VAT1L: variants seen among roughly 807,000 people sequenced by gnomAD.
VAT1L encodes vesicle amine transport 1 like, also known as putative NADPH-dependent quinone oxidoreductase VAT1L.
A neutral mutation model predicts 44.1 loss-of-function variants in VAT1L; 34 were observed. The observed-to-expected ratio is 0.77, with a 90% CI of 0.59 to 1.03. VAT1L has a LOEUF of 1.03. VAT1L is among the 50% of genes least tolerant of loss of function. The probability of loss-of-function intolerance (pLI) is 0.00; values close to 1 mark genes in which losing one functional copy is unlikely to be tolerated. For missense variants in VAT1L, 615 were observed against 538.8 expected, an observed-to-expected ratio of 1.14 and a Z score of -1.40; for synonymous variants, 253 against 202.2, an observed-to-expected ratio of 1.25 and a Z score of -2.13.
rs1490629885 is a variant in VAT1L at position 77,976,570 on chromosome 16, C to G, written c.1162-1027C>G. The stretch of plus-strand genomic sequence containing the variant: ...AGCCAAGGACTCAAGTGTGGGAGAT[C>G]TGGGGCCCAATCTAGATCAGGGGAT... On this transcript the variant is annotated intron_variant, in intron 8 of 8. Transcript: ENST00000302536. Among the ~76,000 whole-genome samples the G allele has an allele frequency of 6.6e-5, 10 of 152,228 alleles. 1 individual carries two copies. In the East Asian group the frequency reaches 1.7e-3, roughly 26 times the overall value.
intron 3 of VAT1L, among the ~76,000 whole-genome samples, chr16:77,829,157 C>T: frequency 6.6e-6 from 1 of 152,146 alleles, no homozygotes; most frequent in East Asian, 1.9e-4. Context: ...GAGAGCCAGC[C>T]CAGATTCTTC....
intron 2 of VAT1L, among the ~76,000 whole-genome samples, chr16:77,821,247 A>G (rs1455357694): frequency 1.3e-5 from 2 of 152,082 alleles, no homozygotes; most frequent in Admixed American, 6.6e-5. Flanking sequence ...TGGGATCTGC[A>G]TAATTATGAA....
chr16:77,913,969 A>G (rs1229366573), intron 7 of VAT1L, among the ~76,000 whole-genome samples: 1 of 152,182 alleles, frequency 6.6e-6, no homozygotes, highest in African/African-American at 2.4e-5. Context: ...AAAATGCCTG[A>G]AGGCTGCCTT....
At chr16:77,866,414 G>A (rs889532620) in intron 4 of VAT1L, among the ~76,000 whole-genome samples, 1 of 151,836 alleles carries the variant, frequency 6.6e-6, no homozygotes, top group Non-Finnish European at 1.5e-5. Context: ...GTAGCACATT[G>A]CGTGAAAAAA....
intron 7 of VAT1L, among the ~76,000 whole-genome samples, chr16:77,952,815 C>T (rs2018059324): frequency 1.5e-5 from 2 of 134,712 alleles, no homozygotes; most frequent in Admixed American, 1.7e-4. Context: ...CAAGATGGTA[C>T]CACTGCATTC....
chr16:77,847,868 T>C (rs910215117), intron 3 of VAT1L, among the ~76,000 whole-genome samples: 2 of 152,188 alleles, frequency 1.3e-5, no homozygotes, highest in African/African-American at 4.8e-5. Context: ...AATTGTGTTA[T>C]ACAAAAGTAG....
At chr16:77,954,840 T>C (rs2018084623) in intron 7 of VAT1L, among the ~76,000 whole-genome samples, 1 of 152,120 alleles carries the variant, frequency 6.6e-6, no homozygotes, top group Admixed American at 6.5e-5. Flanking sequence ...ACCTGTCCAG[T>C]CTCAATAAAA....
At chr16:77,975,101 A>T (rs1347609215) in intron 8 of VAT1L, among the ~76,000 whole-genome samples, 1 of 150,294 alleles carries the variant, frequency 6.7e-6, no homozygotes, top group Non-Finnish European at 1.5e-5. Context: ...CTCAAGCTCC[A>T]GGCTCCACAG....
chr16:77,887,214 G>A (rs953648174), intron 7 of VAT1L, among the ~76,000 whole-genome samples: 2 of 152,220 alleles, frequency 1.3e-5, no homozygotes, highest in Non-Finnish European at 2.9e-5. Flanking sequence ...ATTATTGTGA[G>A]CCAAGGAGGG....
intron 3 of VAT1L, among the ~76,000 whole-genome samples, chr16:77,859,723 C>T (rs2016896903): frequency 6.6e-6 from 1 of 152,138 alleles, no homozygotes; most frequent in Non-Finnish European, 1.5e-5. Flanking sequence ...AGAGATAACA[C>T]AGTTTCTGAA....
chr16:77,807,345 T>A (rs1455404156), intron 1 of VAT1L, among the ~76,000 whole-genome samples: 2 of 152,078 alleles, frequency 1.3e-5, no homozygotes, highest in Non-Finnish European at 2.9e-5. Flanking sequence ...CCAAAGAAAG[T>A]CTCCTTCCCC....
intron 7 of VAT1L, chr16:77,892,547 G>T: frequency 1.7e-6 from 1 of 590,658 alleles, no homozygotes; most frequent in East Asian, 4.4e-5. Flanking sequence ...AAGCCCTGGA[G>T]AGGAAGGATT....
chr16:77,933,461 C>T (rs2017755400), intron 7 of VAT1L, among the ~76,000 whole-genome samples: 1 of 152,178 alleles, frequency 6.6e-6, no homozygotes, highest in Non-Finnish European at 1.5e-5. Flanking sequence ...GAGAATTTGG[C>T]AGACACTGCT....
At chr16:77,916,956 C>G (rs186987207) in intron 7 of VAT1L, among the ~76,000 whole-genome samples, 4 of 152,084 alleles carry the variant, frequency 2.6e-5, no homozygotes, top group African/African-American at 9.7e-5. Flanking sequence ...GTTGGGAGTT[C>G]TAATAGACAT....
intron 7 of VAT1L, among the ~76,000 whole-genome samples, chr16:77,906,053 C>G (rs190251118): frequency 6.6e-6 from 1 of 152,314 alleles, no homozygotes; most frequent in Non-Finnish European, 1.5e-5. Context: ...CATTTCACCA[C>G]TGTCCCCCCA....
At chr16:77,897,344 A>G (rs1249531913) in intron 7 of VAT1L, among the ~76,000 whole-genome samples, 1 of 152,224 alleles carries the variant, frequency 6.6e-6, no homozygotes, top group Non-Finnish European at 1.5e-5. Context: ...TTGTGCAATC[A>G]ACTGAGTCCA....
intron 7 of VAT1L, among the ~76,000 whole-genome samples, chr16:77,908,430 C>T (rs1206179485): frequency 1.4e-5 from 2 of 138,960 alleles, no homozygotes; most frequent in African/African-American, 2.7e-5. Flanking sequence ...CGCCACTGCC[C>T]TCCAGGCTGG....
intron 1 of VAT1L, among the ~76,000 whole-genome samples, chr16:77,795,943 A>G (rs1420815510): frequency 6.8e-6 from 1 of 148,074 alleles, no homozygotes. Flanking sequence ...CTCCTGCCTC[A>G]GCCTCCCAAG....
chr16:77,830,030 C>G (rs2016562669), intron 3 of VAT1L, among the ~76,000 whole-genome samples: 1 of 152,122 alleles, frequency 6.6e-6, no homozygotes, highest in African/African-American at 2.4e-5. Flanking sequence ...GTCACTGGTC[C>G]ACCACCTCCA....
Sources: gnomAD v4.1 joint callset for allele counts (sites outside exome capture counted in the v4.1 genomes callset) on GRCh38, gnomAD v4.1.1 for gene constraint, MANE v1.5 for transcripts, NCBI Gene and HGNC (gene_info 2026-07-23, HGNC 2026-07-21) for gene names.